The following HDX variants were observed in gnomAD, a reference collection of about 807,000 sequenced individuals.
The protein encoded by HDX is chromosome X open reading frame 43.
HDX carries 19 observed loss-of-function variants against 45.2 expected under a neutral mutation model. The ratio of observed to expected loss-of-function variants is 0.42; its 90% confidence interval spans 0.29 to 0.62. The LOEUF is 0.62. HDX is among the 20% of genes least tolerant of loss of function. The probability of loss-of-function intolerance (pLI) is 0.20; values close to 1 mark genes in which losing one functional copy is unlikely to be tolerated. For missense variants in HDX, 532 were observed against 493.9 expected, an observed-to-expected ratio of 1.08 and a Z score of -0.73; for synonymous variants, 188 against 172.8, an observed-to-expected ratio of 1.09 and a Z score of -0.69.
At chrX:84,494,165 T>C (rs1025366738) in intron 1 of HDX, among the ~76,000 whole-genome samples, 1 of 112,102 alleles carries the variant, frequency 8.9e-6, no homozygotes, top group African/African-American at 3.2e-5. Flanking sequence ...ATACAAAATA[T>C]ATGACAGTGA....
chrX:84,319,784 A>G lies in HDX; in HGVS notation c.*2105T>C, dbSNP rs187503410. Reference sequence around the variant, plus strand: ...TTATTAATATCATAGAAGATGTTAAAAAGAAATAATTATTTGTGATGTTTA... The same window carrying G: ...TTATTAATATCATAGAAGATGTTAAGAAGAAATAATTATTTGTGATGTTTA... On this transcript the variant is annotated 3_prime_UTR_variant, in exon 11 of 11. Coordinates refer to ENST00000373177, the MANE Select transcript of HDX (RefSeq NM_001177479.2). The G allele has an allele frequency of 9.0e-6, 1 of 111,416 alleles. No individual in the cohort carries two copies. The highest frequency in any genetic ancestry group is 1.9e-5 in the Non-Finnish European group (1 of 52,611). 9.2% of individuals were successfully genotyped at this position (111,416 alleles called of 1,213,427 possible). A position where few individuals can be genotyped will look rare whatever the true frequency, so the allele number is the denominator to read the frequency against.
chrX:84,366,323 G>C (rs770577414), intron 5 of HDX, among the ~76,000 whole-genome samples: 1 of 111,689 alleles, frequency 9.0e-6, no homozygotes, highest in Non-Finnish European at 1.9e-5. Flanking sequence ...ACTGCTCAAG[G>C]AAACAAGAGA....
chrX:84,476,564 G>GAGGAA lies in HDX; in HGVS notation c.1-1172_1-1168dup, dbSNP rs2040558993. 3.8e-5 allele frequency among the ~76,000 whole-genome samples: 3 copies of GAGGAA among 79,960 alleles called. No individual in the cohort carries two copies. The South Asian group carries it at 1.7e-3, about 45-fold the overall frequency. The allele number at this position is 79,960 out of a possible 115,157, so 69.4% of individuals were successfully genotyped here. A position where few individuals can be genotyped will look rare whatever the true frequency, so the allele number is the denominator to read the frequency against. On this transcript the variant is annotated intron_variant, in intron 2 of 10. Coordinates refer to ENST00000373177, the MANE Select transcript of HDX (RefSeq NM_001177479.2). ...TGTCTCAAAAAAAAAAAAAAAAAAA[G>GAGGAA]AGGAAAGAAAAGAAAGGAAGGAAGG...
chrX:84,471,261 A>ATAGG (rs1230794583), intron 3 of HDX, among the ~76,000 whole-genome samples: 1 of 107,906 alleles, frequency 9.3e-6, no homozygotes, highest in Non-Finnish European at 1.9e-5. Context: ...AGATAGATAG[A>ATAGG]TAGATAGATA....
chrX:84,438,591 G>C (rs1392604707), intron 5 of HDX, among the ~76,000 whole-genome samples: 1 of 103,990 alleles, frequency 9.6e-6, no homozygotes, highest in African/African-American at 3.5e-5. Flanking sequence ...TCTTATCTTT[G>C]TGATCATGTG....
chrX:84,322,359 G>A (rs2036614410), intron 10 of HDX, among the ~76,000 whole-genome samples: 2 of 110,892 alleles, frequency 1.8e-5, no homozygotes, highest in African/African-American at 6.5e-5. Flanking sequence ...CTGTTTAAGG[G>A]ATTTAAAATT....
intron 7 of HDX, among the ~76,000 whole-genome samples, chrX:84,338,639 T>C (rs1471914937): frequency 9.0e-6 from 1 of 110,687 alleles, no homozygotes; most frequent in Non-Finnish European, 1.9e-5. Context: ...GTAACCTCTT[T>C]TTTTTCTCTA....
chrX:84,393,733 T>C (rs150604902), intron 5 of HDX, among the ~76,000 whole-genome samples: 2 of 110,931 alleles, frequency 1.8e-5, no homozygotes, highest in African/African-American at 6.5e-5. Context: ...CATTTTTTTC[T>C]AATTTGATCT....
chrX:84,391,845 T>C (rs2038450704), intron 5 of HDX, among the ~76,000 whole-genome samples: 1 of 112,015 alleles, frequency 8.9e-6, no homozygotes, highest in Non-Finnish European at 1.9e-5. Context: ...ATTAGTCCCT[T>C]ATCAAATGAA....
At chrX:84,328,164 G>A (rs1033144534) in intron 9 of HDX, among the ~76,000 whole-genome samples, 12 of 106,829 alleles carry the variant, frequency 1.1e-4, no homozygotes, top group African/African-American at 4.0e-4. Flanking sequence ...TTTTAAACCA[G>A]CCTGGGCAAC....
chrX:84,329,557 G>A (rs1261802880), intron 9 of HDX, among the ~76,000 whole-genome samples: 2 of 111,903 alleles, frequency 1.8e-5, no homozygotes, highest in Non-Finnish European at 3.8e-5. Context: ...TCCCAAACCA[G>A]AAGGCGTTCA....
At chrX:84,325,033 A>T (rs1004325223) in intron 10 of HDX, among the ~76,000 whole-genome samples, 1 of 111,164 alleles carries the variant, frequency 9.0e-6, no homozygotes, top group African/African-American at 3.3e-5. Context: ...GCAAAGGTAA[A>T]TGAAAGCTAC....
chrX:84,372,858 A>G (rs1427087540), intron 5 of HDX, among the ~76,000 whole-genome samples: 1 of 111,209 alleles, frequency 9.0e-6, no homozygotes, highest in Non-Finnish European at 1.9e-5. Context: ...TAAAATGTTT[A>G]TATAGCAGAA....
rs187305900 is a variant in HDX, at chrX:84,330,807, T to C, written c.1824+2952A>G. ...AAAAATATAAACAGCTTTAAGATAA[T>C]TTAATATTGCAGACATTTTCTTCAC... On this transcript the variant is annotated intron_variant, in intron 9 of 10. Coordinates refer to ENST00000373177, the MANE Select transcript of HDX (RefSeq NM_001177479.2). Among the ~76,000 whole-genome samples the C allele has an allele frequency of 2.7e-3, 298 of 112,107 alleles. 2 individuals carry two copies. The highest frequency in any genetic ancestry group is 9.3e-3 in the African/African-American group (289 of 30,986).
intron 6 of HDX, among the ~76,000 whole-genome samples, chrX:84,360,840 C>T (rs755060382): frequency 1.8e-5 from 2 of 111,472 alleles, no homozygotes; most frequent in South Asian, 7.5e-4. Flanking sequence ...GGGTTGTTTC[C>T]ATTTGGATAT....
intron 5 of HDX, among the ~76,000 whole-genome samples, chrX:84,385,365 C>T (rs368665772): frequency 3.8e-5 from 4 of 105,114 alleles, no homozygotes; most frequent in East Asian, 3.0e-4. Context: ...AGGCGCCCGC[C>T]ACTACGCCCG....
intron 5 of HDX, chrX:84,439,838 C>T (rs746729961): frequency 9.0e-6 from 1 of 111,251 alleles, no homozygotes; most frequent in African/African-American, 3.3e-5. Flanking sequence ...AATGTGATAT[C>T]TCCTGTTTTG....
intron 6 of HDX, among the ~76,000 whole-genome samples, chrX:84,352,357 A>G (rs1311960126): frequency 8.9e-6 from 1 of 112,190 alleles, no homozygotes. Context: ...CACCAAAGAG[A>G]AAATTGCCTA....
intron 6 of HDX, among the ~76,000 whole-genome samples, chrX:84,360,150 A>T (rs1300605568): frequency 1.8e-5 from 2 of 111,882 alleles, no homozygotes; most frequent in African/African-American, 6.5e-5. Context: ...CAAAAGAAGA[A>T]ATTTATGCAG....
Sources: allele counts gnomAD v4.1 joint callset (sites outside exome capture counted in the v4.1 genomes callset), GRCh38; gene constraint gnomAD v4.1.1; transcripts MANE v1.5; gene names NCBI Gene and HGNC (gene_info 2026-07-23, HGNC 2026-07-21).